APBA2: variants seen among roughly 807,000 people sequenced by gnomAD.
APBA2 encodes the protein amyloid beta precursor protein binding family A member 2, also known as amyloid-beta A4 precursor protein-binding family A member 2.
APBA2 carries 30 observed loss-of-function variants against 75.0 expected under a neutral mutation model. The observed-to-expected ratio is 0.40, with a 90% CI of 0.30 to 0.54. The LOEUF (loss-of-function observed/expected upper bound fraction) is 0.54. Ranked by LOEUF, APBA2 falls within the 20% of genes least tolerant of loss-of-function variation. APBA2 has a pLI of 0.49. For synonymous variants in APBA2, 444 were observed against 409.6 expected (o/e 1.08, Z -1.01); for missense variants, 801 against 1,016.1 (o/e 0.79, Z 2.88).
intron 4 of APBA2, among the ~76,000 whole-genome samples, chr15:29,061,465 T>C (rs868468846): frequency 1.9e-4 from 29 of 152,218 alleles, no homozygotes; most frequent in African/African-American, 7.0e-4. Flanking sequence ...GGGGTTTTCA[T>C]GATTTCTGTT....
intron 1 of APBA2, among the ~76,000 whole-genome samples, chr15:28,904,673 C>T (rs915090276): frequency 2.6e-5 from 4 of 152,178 alleles, no homozygotes; most frequent in Non-Finnish European, 5.9e-5. Context: ...TGGCTCCCCT[C>T]GTTATCTGCA....
chr15:28,903,178 C>T (rs867876176), intron 1 of APBA2, among the ~76,000 whole-genome samples: 1 of 152,182 alleles, frequency 6.6e-6, no homozygotes, highest in African/African-American at 2.4e-5. Flanking sequence ...CTTATGTTCA[C>T]TAGAAAAGAA....
intron 2 of APBA2, among the ~76,000 whole-genome samples, chr15:28,924,471 A>T (rs2034149357): frequency 6.6e-6 from 1 of 152,132 alleles, no homozygotes; most frequent in African/African-American, 2.4e-5. Flanking sequence ...GTCTCCATGG[A>T]CTTACATATT....
At chr15:28,924,903 C>T (rs1299414904) in intron 2 of APBA2, among the ~76,000 whole-genome samples, 1 of 152,156 alleles carries the variant, frequency 6.6e-6, no homozygotes, top group Non-Finnish European at 1.5e-5. Context: ...TCATTTTCCC[C>T]CATCCTAGCC....
At chr15:29,064,288 G>A (rs1350788652) in intron 4 of APBA2, among the ~76,000 whole-genome samples, 1 of 152,084 alleles carries the variant, frequency 6.6e-6, no homozygotes, top group Non-Finnish European at 1.5e-5. Context: ...ACTCTTCAAA[G>A]CCAGCTCCTC....
At chr15:28,903,691 A>G (rs1477362466) in intron 1 of APBA2, among the ~76,000 whole-genome samples, 1 of 152,224 alleles carries the variant, frequency 6.6e-6, no homozygotes, top group Admixed American at 6.5e-5. Context: ...GCCTCCCTAC[A>G]GTCCAGCTTG....
At chr15:28,938,742 C>T (rs1363198104) in intron 2 of APBA2, among the ~76,000 whole-genome samples, 2 of 152,190 alleles carry the variant, frequency 1.3e-5, no homozygotes, top group African/African-American at 4.8e-5. Flanking sequence ...CTCCTGGCCT[C>T]AAGTGATCTG....
At chr15:28,961,589 G>A (rs1566846304) in intron 2 of APBA2, 1 of 152,238 alleles carries the variant, frequency 6.6e-6, no homozygotes, top group Non-Finnish European at 1.5e-5. Flanking sequence ...TCTTTGGTAA[G>A]GAGAGACAGC....
chr15:29,039,933 T>G (rs772324013), intron 3 of APBA2, among the ~76,000 whole-genome samples: 3 of 152,150 alleles, frequency 2.0e-5, no homozygotes, highest in Non-Finnish European at 4.4e-5. Context: ...CGCAGCACAT[T>G]AGAATAGAGT....
intron 2 of APBA2, chr15:28,977,337 C>T (rs972932021): frequency 2.6e-5 from 4 of 152,124 alleles, no homozygotes; most frequent in African/African-American, 7.2e-5. Context: ...CCAAAGGCCC[C>T]ACATTATAAT....
At chr15:29,094,048 C>T (rs1350021506) in intron 7 of APBA2, among the ~76,000 whole-genome samples, 1 of 152,242 alleles carries the variant, frequency 6.6e-6, no homozygotes, top group African/African-American at 2.4e-5. Context: ...TCCTGTCCTC[C>T]ATAGATGGGG....
chr15:28,984,814 C>G (rs73370634), intron 2 of APBA2, among the ~76,000 whole-genome samples: 26 of 150,938 alleles, frequency 1.7e-4, no homozygotes, highest in African/African-American at 5.1e-4. Context: ...CTCTCTCCCC[C>G]CTCCCACTGC....
chr15:28,914,996 A>G (rs2033599427), intron 1 of APBA2, among the ~76,000 whole-genome samples: 1 of 132,428 alleles, frequency 7.6e-6, no homozygotes, highest in South Asian at 2.6e-4. Flanking sequence ...CCACACACAT[A>G]TCATACCCAC....
At chr15:28,970,742 T>A (rs2037020350) in intron 2 of APBA2, among the ~76,000 whole-genome samples, 1 of 149,664 alleles carries the variant, frequency 6.7e-6, no homozygotes, top group Non-Finnish European at 1.5e-5. Flanking sequence ...AACATTCTCA[T>A]TTTTTTTTGT....
intron 2 of APBA2, chr15:28,970,389 ATGAC>A (rs1436403874): frequency 1.3e-5 from 2 of 149,806 alleles, no homozygotes; most frequent in Admixed American, 6.7e-5. Context: ...TATAATAAAA[ATGAC>A]TGGCCAGGCA....
chr15:29,084,125 T>TA (rs2043191593), intron 6 of APBA2, among the ~76,000 whole-genome samples: 1 of 152,242 alleles, frequency 6.6e-6, no homozygotes, highest in Admixed American at 6.5e-5. Flanking sequence ...TTTTATATAT[T>TA]AAATTTGAAA....
At chr15:28,930,364 G>A (rs1465138749) in intron 2 of APBA2, among the ~76,000 whole-genome samples, 2 of 152,168 alleles carry the variant, frequency 1.3e-5, no homozygotes, top group African/African-American at 2.4e-5. Context: ...GCCTGCCCTG[G>A]GGGTGAGCTC....
chr15:29,015,417 T>C (rs2039609536), intron 3 of APBA2, among the ~76,000 whole-genome samples: 3 of 152,306 alleles, frequency 2.0e-5, no homozygotes, highest in Non-Finnish European at 2.9e-5. Context: ...ACAGTCTCAG[T>C]TGGTAAATCC....
chr15:29,023,655 C>G (rs2152833616), intron 3 of APBA2, among the ~76,000 whole-genome samples: 1 of 151,794 alleles, frequency 6.6e-6, no homozygotes, highest in Non-Finnish European at 1.5e-5. Context: ...GGAGTTTTGC[C>G]ATGTTGGCCA....
Sources: allele counts gnomAD v4.1 joint callset (sites outside exome capture counted in the v4.1 genomes callset), GRCh38; gene constraint gnomAD v4.1.1; transcripts MANE v1.5; gene names NCBI Gene and HGNC (gene_info 2026-07-23, HGNC 2026-07-21).